SAMD5: variants seen among roughly 807,000 people sequenced by gnomAD.
SAMD5 encodes the protein sterile alpha motif domain-containing protein 5.
SAMD5 carries 13 observed loss-of-function variants against 11.3 expected under a neutral mutation model. The observed-to-expected ratio is 1.15, with a 90% CI of 0.75 to 1.83. The LOEUF is 1.83. SAMD5 is among the 40% of genes most tolerant of loss of function. The pLI is 0.00. For synonymous variants in SAMD5, 129 were observed against 111.3 expected (o/e 1.16, Z -1.00); for missense variants, 255 against 239.1 (o/e 1.07, Z -0.44).
At chr6:147,938,388 T>C in the SAMD5 span, among the ~76,000 whole-genome samples, 1 of 152,238 alleles carries the variant, frequency 6.6e-6, no homozygotes, top group Admixed American at 6.5e-5. Flanking sequence ...ACCTCTTTTG[T>C]GCTACTAATC....
chr6:147,624,210 G>A (rs11155511), intron 1 of SAMD5, among the ~76,000 whole-genome samples: 80,565 of 152,010 alleles, frequency 0.53, 22,315 homozygotes, highest in African/African-American at 0.68. Context: ...AAATAATCTA[G>A]AAACCCCAGT....
chr6:147,545,184 G>A (rs1275906369), intron 1 of SAMD5, among the ~76,000 whole-genome samples: 1 of 152,202 alleles, frequency 6.6e-6, no homozygotes, highest in East Asian at 1.9e-4. Flanking sequence ...TATTAGTTAT[G>A]GTCAGTGATT....
chr6:147,868,057 C>A, the SAMD5 span, among the ~76,000 whole-genome samples: 1 of 152,166 alleles, frequency 6.6e-6, no homozygotes. Context: ...GAATTATATA[C>A]TTTTTACAAG....
chr6:147,707,853 A>G (rs879446413), intron 1 of SAMD5, among the ~76,000 whole-genome samples: 2 of 152,086 alleles, frequency 1.3e-5, no homozygotes, highest in Non-Finnish European at 2.9e-5. Context: ...AATACCACTG[A>G]TGAGGCTGGG....
the SAMD5 span, among the ~76,000 whole-genome samples, chr6:147,902,566 T>A: frequency 1.3e-5 from 2 of 152,200 alleles, no homozygotes; most frequent in Admixed American, 6.5e-5. Context: ...TGCACACACT[T>A]TGAGAAAGCC....
At chr6:147,951,832 G>A in the SAMD5 span, among the ~76,000 whole-genome samples, 3 of 152,142 alleles carry the variant, frequency 2.0e-5, no homozygotes, top group African/African-American at 7.2e-5. Flanking sequence ...AAATGTATTT[G>A]GGATTGCTAC....
chr6:147,918,060 T>C, the SAMD5 span, among the ~76,000 whole-genome samples: 1 of 152,220 alleles, frequency 6.6e-6, no homozygotes. Context: ...TGGTTCCATA[T>C]GAACTTTAAA....
chr6:147,544,624 G>T (rs1788657171), intron 1 of SAMD5, among the ~76,000 whole-genome samples: 2 of 152,240 alleles, frequency 1.3e-5, no homozygotes, highest in Non-Finnish European at 1.5e-5. Flanking sequence ...GACATTGCAG[G>T]GTCTGTTGTA....
chr6:147,539,991 T>G (rs770743970), intron 1 of SAMD5, among the ~76,000 whole-genome samples: 10 of 152,218 alleles, frequency 6.6e-5, no homozygotes, highest in Non-Finnish European at 1.3e-4. Flanking sequence ...TTTACTAATT[T>G]GCATAATTAC....
the SAMD5 span, among the ~76,000 whole-genome samples, chr6:147,881,602 G>A: frequency 6.6e-6 from 1 of 152,148 alleles, no homozygotes; most frequent in Admixed American, 6.6e-5. Flanking sequence ...GTCAGAGACC[G>A]AAGCCCCCTG....
chr6:147,867,265 A>T, the SAMD5 span, among the ~76,000 whole-genome samples: 1 of 146,058 alleles, frequency 6.8e-6, no homozygotes, highest in African/African-American at 2.5e-5. Context: ...ACTGTAGCAT[A>T]CTTGGTCAAA....
intron 1 of SAMD5, among the ~76,000 whole-genome samples, chr6:147,556,005 A>G (rs915446966): frequency 6.6e-6 from 1 of 152,228 alleles, no homozygotes; most frequent in African/African-American, 2.4e-5. Context: ...ATGTAAAACA[A>G]TGCCATTCTT....
the SAMD5 span, among the ~76,000 whole-genome samples, chr6:147,771,423 G>T: frequency 6.6e-6 from 1 of 152,088 alleles, no homozygotes; most frequent in Non-Finnish European, 1.5e-5. Flanking sequence ...CTCCACCCTG[G>T]TTATAAAAAG....
chr6:147,583,966 C>A (rs1391499214), intron 1 of SAMD5, among the ~76,000 whole-genome samples: 1 of 151,778 alleles, frequency 6.6e-6, no homozygotes, highest in African/African-American at 2.4e-5. Flanking sequence ...TAAAAATGTT[C>A]ATTTATATTG....
At chr6:147,511,626 CCA>C (rs1788092039) in intron 1 of SAMD5, among the ~76,000 whole-genome samples, 1 of 107,470 alleles carries the variant, frequency 9.3e-6, no homozygotes, top group Admixed American at 8.8e-5. Flanking sequence ...GAGTTGGGGA[CCA>C]AAAAAAAAAA....
the SAMD5 span, among the ~76,000 whole-genome samples, chr6:147,838,531 G>GC: frequency 0.17 from 22,213 of 127,456 alleles, 2,326 homozygotes; most frequent in African/African-American, 0.26. Context: ...AGAATATCCT[G>GC]CCCCCCCCCC....
downstream of SAMD5, among the ~76,000 whole-genome samples, chr6:147,571,908 G>T (rs1215944575): frequency 6.6e-6 from 1 of 152,044 alleles, no homozygotes; most frequent in Non-Finnish European, 1.5e-5. Flanking sequence ...CTGCAAAAGT[G>T]CTCAGTGGAC....
intron 1 of SAMD5, among the ~76,000 whole-genome samples, chr6:147,645,629 A>G (rs1211676344): frequency 1.3e-5 from 2 of 152,142 alleles, no homozygotes; most frequent in African/African-American, 4.8e-5. Context: ...AGCATTTCCC[A>G]TAGTTTTATA....
the SAMD5 span, among the ~76,000 whole-genome samples, chr6:147,891,830 T>G: frequency 6.6e-6 from 1 of 151,746 alleles, no homozygotes; most frequent in Admixed American, 6.5e-5. Flanking sequence ...CAGAGGTCCA[T>G]GGTATGAACC....
Sources: gnomAD v4.1 joint callset for allele counts (sites outside exome capture counted in the v4.1 genomes callset) on GRCh38, gnomAD v4.1.1 for gene constraint, MANE v1.5 for transcripts, NCBI Gene and HGNC (gene_info 2026-07-23, HGNC 2026-07-21) for gene names.